The following KIRREL3 variants were observed in gnomAD, a reference collection of about 807,000 sequenced individuals.
KIRREL3 encodes kirre like nephrin family adhesion molecule 3, also known as kin of IRRE-like protein 3.
In KIRREL3, 36 loss-of-function variants were observed where a neutral mutation model predicts 89.7. The ratio of observed to expected loss-of-function variants is 0.40; its 90% CI spans 0.31 to 0.53. The LOEUF (loss-of-function observed/expected upper bound fraction) is 0.53. Among genes scored for constraint, KIRREL3 ranks in the 20% least tolerant of loss-of-function variants. KIRREL3 has a pLI of 0.49. For missense variants in KIRREL3, 864 were observed against 1,056.6 expected (o/e 0.82, Z 2.53); for synonymous variants, 445 against 441.4 (o/e 1.01, Z -0.10).
At position 126,489,569 on chromosome 11, in the gene KIRREL3, G is replaced by A. The variant is rs1396586122; in HGVS notation, c.434-16103C>T. Among the ~76,000 whole-genome samples the A allele has an allele frequency of 2.6e-5, 4 of 152,108 alleles. No individual in the cohort carries two copies. Among genetic ancestry groups the A allele is most frequent in the Admixed American group, 2.0e-4 (3 of 15,272 alleles). ...GATGCTGAGATCTGTAGTCCATAAGGGCATTGCTGGATGCAGATGTGTGAA... is the reference window on the plus strand; with the variant it reads ...GATGCTGAGATCTGTAGTCCATAAGAGCATTGCTGGATGCAGATGTGTGAA... On this transcript the variant is annotated intron_variant, in intron 4 of 16. Transcript: ENST00000525144. The surrounding 1 kb of genome is among the most constrained non-coding windows in gnomAD (Gnocchi z 5.5).
At chr11:126,926,068 C>T (rs961228155) in intron 1 of KIRREL3, among the ~76,000 whole-genome samples, 5 of 152,238 alleles carry the variant, frequency 3.3e-5, no homozygotes, top group South Asian at 4.1e-4. Flanking sequence ...CCCTCTGCCT[C>T]GAACCCCTTA....
At chr11:126,714,044 T>A (rs1947862163) in intron 1 of KIRREL3, among the ~76,000 whole-genome samples, 1 of 151,984 alleles carries the variant, frequency 6.6e-6, no homozygotes, top group Admixed American at 6.5e-5. Flanking sequence ...AGCTTTTGCA[T>A]CACATAGGGC....
rs529596668 is a variant in KIRREL3, at chr11:126,849,277, T to C, written c.55+151178A>G. 1.1e-3 allele frequency among the ~76,000 whole-genome samples: 45 copies of C among 41,726 alleles called. 1 individual carries two copies. Among genetic ancestry groups the C allele is most frequent in the African/African-American group, 5.5e-3 (45 of 8,116 alleles). 27.4% of individuals were successfully genotyped at this position (41,726 alleles called of 152,430 possible). ...CCACGGCAATGTCAGGAAGTTACCC[T>C]ATACAGTCTCAGAAGGGGAGGCATG... On this transcript the variant is annotated intron_variant, in intron 1 of 16. Coordinates refer to ENST00000525144, the MANE Select transcript of KIRREL3 (RefSeq NM_032531.4).
At chr11:126,887,138 G>A (rs1328656789) in intron 1 of KIRREL3, among the ~76,000 whole-genome samples, 1 of 152,148 alleles carries the variant, frequency 6.6e-6, no homozygotes, top group Admixed American at 6.5e-5. Context: ...GAGATGCACT[G>A]CACACCAAAT....
rs1949484763 is a variant in KIRREL3, at chr11:126,755,905, G to C, written c.56-192993C>G. On this transcript the variant is annotated intron_variant, in intron 1 of 16. Coordinates refer to ENST00000525144, the MANE Select transcript of KIRREL3 (RefSeq NM_032531.4). This position sits in a 1 kb window ranked among gnomAD's most constrained non-coding sequence, Gnocchi z 4.3. ...GAGAGAGAGAGAGAGAGAGAAGACT[G>C]AGCTGAGCACCCAGCACCTAATTTT... is the stretch of plus-strand genomic sequence containing the variant. 6.6e-6 allele frequency among the ~76,000 whole-genome samples: 1 copy of C among 151,282 alleles called. No individual in the cohort carries two copies. The highest frequency in any genetic ancestry group is 2.1e-4 in the South Asian group (1 of 4,764).
Position 126,618,214 on chromosome 11 carries a change from G to T in KIRREL3, c.56-55302C>A, listed in dbSNP as rs373189013. The stretch of plus-strand genomic sequence containing the variant: ...TGTAAGTTTCCTGAGGCCTCAGCTA[G>T]GCTGAGGCAGATTTATAGTTACGCA... On this transcript the variant is annotated intron_variant, in intron 1 of 16. Coordinates refer to ENST00000525144, the MANE Select transcript of KIRREL3 (RefSeq NM_032531.4). 2.7e-3 allele frequency among the ~76,000 whole-genome samples: 409 copies of T among 152,254 alleles called. 2 individuals are homozygous for T. The highest frequency in any genetic ancestry group is 9.5e-3 in the African/African-American group (394 of 41,548).
chr11:126,995,647 T>C lies in KIRREL3; in HGVS notation c.55+4808A>G, dbSNP rs1363776694. Among the ~76,000 whole-genome samples, 1 of 152,162 alleles carries C rather than the reference T, an allele frequency of 6.6e-6. No homozygotes were observed. The highest frequency in any genetic ancestry group is 1.5e-5 in the Non-Finnish European group (1 of 68,030). ...TCCTCATCCATGTTTCCAAAACAGTTTATCTTTTTATCTCCTTGGAAGAAA... is the reference window on the plus strand; with the variant it reads ...TCCTCATCCATGTTTCCAAAACAGTCTATCTTTTTATCTCCTTGGAAGAAA... On this transcript the variant is annotated intron_variant, in intron 1 of 16. Coordinates refer to ENST00000525144, the MANE Select transcript of KIRREL3 (RefSeq NM_032531.4). The surrounding 1 kb of genome is among the most constrained non-coding windows in gnomAD (Gnocchi z 6.5).
In KIRREL3 at chr11:126,520,501, C is replaced by T. The variant is rs574156587; in HGVS notation, c.433+814G>A. ...GTGCCTGAAAGAGCCTAGAGAGCTA[C>T]GGTGAACTGCTTGGCAAATGTGAGC... On this transcript the variant is annotated intron_variant, in intron 4 of 16. Transcript: ENST00000525144. This position sits in a 1 kb window ranked among gnomAD's most constrained non-coding sequence, Gnocchi z 4.9. 1.3e-5 allele frequency among the ~76,000 whole-genome samples: 2 copies of T among 152,316 alleles called. No individual in the cohort carries two copies. Among genetic ancestry groups the T allele is most frequent in the South Asian group, 4.1e-4 (2 of 4,822 alleles).
In KIRREL3 at chr11:126,989,844, T is replaced by C. The variant is rs1176988309; in HGVS notation, c.55+10611A>G. 2.6e-5 allele frequency among the ~76,000 whole-genome samples: 4 copies of C among 152,338 alleles called. No homozygotes were observed. Among genetic ancestry groups the C allele is most frequent in the Admixed American group, 2.0e-4 (3 of 15,304 alleles). On this transcript the variant is annotated intron_variant, in intron 1 of 16. Transcript: ENST00000525144. The surrounding 1 kb of genome is among the most constrained non-coding windows in gnomAD (Gnocchi z 6.2). Reference sequence around the variant, plus strand: ...GCCTGGAAGGATGTTCAAACAGCCATGGCCCGTGGTGGTTTTTTATAATGG... The same window carrying C: ...GCCTGGAAGGATGTTCAAACAGCCACGGCCCGTGGTGGTTTTTTATAATGG...
At chr11:126,688,903 A>G (rs1186285541) in intron 1 of KIRREL3, among the ~76,000 whole-genome samples, 1 of 152,190 alleles carries the variant, frequency 6.6e-6, no homozygotes, top group East Asian at 1.9e-4. Context: ...AGGAATGGGA[A>G]GATGATGAGG....
At chr11:126,670,882 A>G (rs1407995943) in intron 1 of KIRREL3, among the ~76,000 whole-genome samples, 1 of 152,236 alleles carries the variant, frequency 6.6e-6, no homozygotes, top group Non-Finnish European at 1.5e-5. Context: ...AATACTAAAT[A>G]AGAAATAAGT....
intron 1 of KIRREL3, among the ~76,000 whole-genome samples, chr11:126,792,952 G>C (rs1950692212): frequency 6.6e-6 from 1 of 152,110 alleles, no homozygotes; most frequent in African/African-American, 2.4e-5. Context: ...GGGTGGGCAG[G>C]CTCAGGTTCT....
At position 126,677,724 on chromosome 11, in the gene KIRREL3, C is replaced by A. The variant is rs1190642475; in HGVS notation, c.56-114812G>T. 6.6e-6 allele frequency among the ~76,000 whole-genome samples: 1 copy of A among 152,114 alleles called. No homozygotes were observed. The highest frequency in any genetic ancestry group is 1.9e-4 in the East Asian group (1 of 5,188). On this transcript the variant is annotated intron_variant, in intron 1 of 16. Coordinates refer to ENST00000525144, the MANE Select transcript of KIRREL3 (RefSeq NM_032531.4). This position sits in a 1 kb window ranked among gnomAD's most constrained non-coding sequence, Gnocchi z 5.1. ...TCCTCCCAGAATGAGTCCAGGGGAG[C>A]CCCCTGGACCAAAGCAGGACAGAGC... is the stretch of plus-strand genomic sequence containing the variant.
At position 126,612,235 on chromosome 11, in the gene KIRREL3, ATAATAAAT is replaced by A. The variant is rs1479541081; in HGVS notation, c.56-49331_56-49324del. Among the ~76,000 whole-genome samples, 11 of 152,206 alleles carry A rather than the reference ATAATAAAT, an allele frequency of 7.2e-5. No homozygotes were observed. The highest frequency in any genetic ancestry group is 3.8e-4 in the East Asian group (2 of 5,200). ...AGTATTATATGGACACCCTTGGCAT[ATAATAAAT>A]GCTCCCTCAGAATTTGAGTATTATA... On this transcript the variant is annotated intron_variant, in intron 1 of 16. Transcript: ENST00000525144. This position sits in a 1 kb window ranked among gnomAD's most constrained non-coding sequence, Gnocchi z 4.5.
intron 1 of KIRREL3, among the ~76,000 whole-genome samples, chr11:126,958,026 C>G (rs780600590): frequency 1.3e-5 from 2 of 152,200 alleles, no homozygotes; most frequent in African/African-American, 2.4e-5. Context: ...GAAAGCCTTA[C>G]AGATTCTGAT....
rs1340436506 is a variant in KIRREL3, at chr11:126,909,525, A to G, written c.55+90930T>C. Among the ~76,000 whole-genome samples the G allele has an allele frequency of 2.0e-5, 3 of 152,124 alleles. No individual in the cohort carries two copies. Among genetic ancestry groups the G allele is most frequent in the African/African-American group, 4.8e-5 (2 of 41,432 alleles). On this transcript the variant is annotated intron_variant, in intron 1 of 16. Transcript: ENST00000525144. The surrounding 1 kb of genome is among the most constrained non-coding windows in gnomAD (Gnocchi z 4.5). ...GAGGATGAGAGAGTGCTCTGAGTTG[A>G]GATACACCGCCCACAATACACCCCG... is the stretch of plus-strand genomic sequence containing the variant.
In KIRREL3 at chr11:126,791,611, T is replaced by C. The variant is rs1275687726; in HGVS notation, c.55+208844A>G. Among the ~76,000 whole-genome samples, 1 of 152,144 alleles carries C rather than the reference T, an allele frequency of 6.6e-6. No homozygotes were observed. Among genetic ancestry groups the C allele is most frequent in the African/African-American group, 2.4e-5 (1 of 41,414 alleles). On this transcript the variant is annotated intron_variant, in intron 1 of 16. Coordinates refer to ENST00000525144, the MANE Select transcript of KIRREL3 (RefSeq NM_032531.4). The surrounding 1 kb of genome is among the most constrained non-coding windows in gnomAD (Gnocchi z 4.8). ...CCTTTTGTAGGCAAAGGGATCTGAG[T>C]GCAGTTTCGAAGCCCATAGCCAGGG...
Position 126,521,222 on chromosome 11 carries a change from G to A in KIRREL3, c.433+93C>T. ...CCTGTGGGATGATCCCCAGAGGGGA[G>A]TCTCCCCATGTCTGACCAAAAAAAT... On this transcript the variant is annotated intron_variant, in intron 4 of 16. Transcript: ENST00000525144. This position sits in a 1 kb window ranked among gnomAD's most constrained non-coding sequence, Gnocchi z 4.1. The A allele has an allele frequency of 7.6e-7, 1 of 1,319,790 alleles. No individual in the cohort carries two copies. Among genetic ancestry groups the A allele is most frequent in the Non-Finnish European group, 1.0e-6 (1 of 1,003,132 alleles). The allele number at this position is 1,319,790 out of a possible 1,614,324, so 81.8% of individuals were successfully genotyped here. A position where few individuals can be genotyped will look rare whatever the true frequency, so the allele number is the denominator to read the frequency against.
intron 1 of KIRREL3, among the ~76,000 whole-genome samples, chr11:126,592,268 C>T (rs1283831616): frequency 6.6e-6 from 1 of 152,080 alleles, no homozygotes; most frequent in East Asian, 1.9e-4. Context: ...TATCATTGTT[C>T]CCTTTATATG....
Sources: gnomAD v4.1 joint callset for allele counts (sites outside exome capture counted in the v4.1 genomes callset) on GRCh38, gnomAD v4.1.1 for gene constraint, Gnocchi (gnomAD v3.1) non-coding constraint, MANE v1.5 for transcripts, NCBI Gene and HGNC (gene_info 2026-07-23, HGNC 2026-07-21) for gene names.